SIL1: variants seen among roughly 807,000 people sequenced by gnomAD.
SIL1 encodes SIL1 nucleotide exchange factor.
SIL1 carries 40 observed loss-of-function variants against 49.1 expected under a neutral mutation model. The ratio of observed to expected loss-of-function variants is 0.81; its 90% CI spans 0.63 to 1.06. The LOEUF is 1.06. Among genes scored for constraint, SIL1 ranks in the 50% least tolerant of loss-of-function variants. The pLI, the probability that SIL1 is intolerant of heterozygous loss-of-function variation, is 0.00. For missense variants in SIL1, 500 were observed against 572.6 expected, an observed-to-expected ratio of 0.87 and a Z score of 1.29; for synonymous variants, 253 against 250.8, an observed-to-expected ratio of 1.01 and a Z score of -0.08.
chr5:139,176,932 T>C (rs904230152), intron 1 of SIL1, among the ~76,000 whole-genome samples: 1 of 141,304 alleles, frequency 7.1e-6, no homozygotes, highest in Non-Finnish European at 1.6e-5. Flanking sequence ...AGATTCTTTT[T>C]TTTTTTTTTT....
At chr5:139,184,175 C>G (rs1470696512) in intron 1 of SIL1, among the ~76,000 whole-genome samples, 1 of 152,176 alleles carries the variant, frequency 6.6e-6, no homozygotes, top group East Asian at 1.9e-4. Context: ...CACCACCACT[C>G]CATTCCTGCC....
intron 7 of SIL1, among the ~76,000 whole-genome samples, chr5:138,983,892 T>C (rs1272377008): frequency 5.3e-5 from 8 of 152,144 alleles, no homozygotes. Flanking sequence ...ATCTCCATGA[T>C]ACATACCCTG....
intron 7 of SIL1, among the ~76,000 whole-genome samples, chr5:138,967,810 C>T (rs1055834101): frequency 2.6e-5 from 4 of 152,064 alleles, no homozygotes; most frequent in Admixed American, 1.3e-4. Context: ...GCCCCCAACA[C>T]GACAGCCTAT....
chr5:139,063,012 T>C (rs1047705751), intron 3 of SIL1, among the ~76,000 whole-genome samples: 2 of 152,176 alleles, frequency 1.3e-5, no homozygotes, highest in African/African-American at 4.8e-5. Flanking sequence ...AGAGAACAGC[T>C]TTCAAGCAAG....
intron 7 of SIL1, among the ~76,000 whole-genome samples, chr5:138,972,547 A>T (rs1001323734): frequency 6.6e-6 from 1 of 152,202 alleles, no homozygotes; most frequent in African/African-American, 2.4e-5. Flanking sequence ...AGCCCCAGAG[A>T]CAAGAAAGCT....
intron 3 of SIL1, among the ~76,000 whole-genome samples, chr5:139,104,127 T>A (rs544389403): frequency 2.0e-5 from 3 of 152,226 alleles, no homozygotes; most frequent in African/African-American, 7.2e-5. Flanking sequence ...TCAGCCTCCA[T>A]GCTGCAGGAG....
chr5:139,102,498 AAAAGAG>A (rs1287456031), intron 3 of SIL1, among the ~76,000 whole-genome samples: 1,567 of 63,444 alleles, frequency 0.025, 11 homozygotes, highest in Non-Finnish European at 0.049. Context: ...AAAAAAAAAA[AAAAGAG>A]AGAGAGAGAG....
chr5:139,041,833 A>G (rs956397418), intron 5 of SIL1, among the ~76,000 whole-genome samples: 7 of 150,638 alleles, frequency 4.6e-5, no homozygotes, highest in Non-Finnish European at 1.0e-4. Flanking sequence ...AAAAAAAAAA[A>G]CAAAAAAAAG....
chr5:139,149,249 T>C (rs1751252441), intron 1 of SIL1, among the ~76,000 whole-genome samples: 1 of 152,010 alleles, frequency 6.6e-6, no homozygotes, highest in South Asian at 2.1e-4. Flanking sequence ...TCTGGAAAAA[T>C]ATATTTTTGC....
intron 1 of SIL1, chr5:139,131,798 C>T (rs1212202651): frequency 6.5e-6 from 1 of 152,764 alleles, no homozygotes; most frequent in Non-Finnish European, 1.5e-5. Context: ...TGAACAAGGG[C>T]AAGGCGTCAC....
intron 3 of SIL1, among the ~76,000 whole-genome samples, chr5:139,101,770 T>C (rs535314514): frequency 4.1e-4 from 62 of 152,322 alleles, no homozygotes; most frequent in Non-Finnish European, 8.2e-4. Flanking sequence ...AAGGGGATGA[T>C]GACAATGTGA....
chr5:139,088,563 T>C (rs1770276241), intron 3 of SIL1, among the ~76,000 whole-genome samples: 1 of 152,220 alleles, frequency 6.6e-6, no homozygotes, highest in Non-Finnish European at 1.5e-5. Context: ...ATGCCTGGAC[T>C]CCAAGCTATT....
At chr5:139,034,548 C>A (rs1004304746) in intron 5 of SIL1, 33 of 152,042 alleles carry the variant, frequency 2.2e-4, no homozygotes, top group African/African-American at 7.2e-4. Flanking sequence ...ACATAAGTAA[C>A]ATCATAATCT....
At chr5:139,099,403 T>C (rs1188704255) in intron 3 of SIL1, among the ~76,000 whole-genome samples, 1 of 152,216 alleles carries the variant, frequency 6.6e-6, no homozygotes, top group Non-Finnish European at 1.5e-5. Context: ...AGCTACCATA[T>C]GATCCAGCAA....
At chr5:139,052,129 A>G (rs1387450583) in intron 3 of SIL1, among the ~76,000 whole-genome samples, 2 of 152,202 alleles carry the variant, frequency 1.3e-5, no homozygotes, top group Non-Finnish European at 2.9e-5. Flanking sequence ...TCAAATAATC[A>G]GGTAAACTCA....
At chr5:139,159,308 G>A (rs1581140679) in intron 1 of SIL1, among the ~76,000 whole-genome samples, 1 of 152,366 alleles carries the variant, frequency 6.6e-6, no homozygotes, top group African/African-American at 2.4e-5. Context: ...GGATGGAGAA[G>A]AAATATAAAC....
intron 1 of SIL1, among the ~76,000 whole-genome samples, chr5:139,181,193 G>A (rs1561893230): frequency 6.6e-6 from 1 of 152,062 alleles, no homozygotes; most frequent in African/African-American, 2.4e-5. Flanking sequence ...CAAGCCTCTA[G>A]TGTGACTCTT....
At chr5:138,960,926 C>G (rs28401588) in intron 7 of SIL1, among the ~76,000 whole-genome samples, 63,189 of 152,066 alleles carry the variant, frequency 0.42, 14,828 homozygotes, top group African/African-American at 0.66. Flanking sequence ...GAACTTGAGA[C>G]AGTCTTCTGG....
intron 7 of SIL1, among the ~76,000 whole-genome samples, chr5:138,987,393 TA>T (rs561109608): frequency 4.0e-5 from 6 of 149,888 alleles, no homozygotes; most frequent in South Asian, 2.1e-4. Context: ...ATTGCATTAT[TA>T]AAAAAAAAAT....
Sources: allele counts gnomAD v4.1 joint callset (sites outside exome capture counted in the v4.1 genomes callset), GRCh38; gene constraint gnomAD v4.1.1; transcripts MANE v1.5; gene names NCBI Gene and HGNC (gene_info 2026-07-23, HGNC 2026-07-21).